The following CNTN3 variants were observed in gnomAD, a reference collection of about 807,000 sequenced individuals.
CNTN3 encodes the protein contactin-3.
CNTN3 carries 60 observed loss-of-function variants against 119.1 expected under a neutral mutation model. The ratio of observed to expected loss-of-function variants is 0.50; its 90% confidence interval spans 0.41 to 0.62. The LOEUF is 0.62. CNTN3 is among the 20% of genes least tolerant of loss of function. CNTN3 has a pLI of 0.00. For missense variants in CNTN3, 1,101 were observed against 1,242.4 expected (o/e 0.89, Z 1.71); for synonymous variants, 450 against 438.7 (o/e 1.03, Z -0.32).
intron 6 of CNTN3, among the ~76,000 whole-genome samples, chr3:74,370,485 T>G (rs1292009723): frequency 6.6e-6 from 1 of 152,146 alleles, no homozygotes; most frequent in African/African-American, 2.4e-5. Context: ...GCAGGGAATT[T>G]ACTTAATGAT....
intron 1 of CNTN3, among the ~76,000 whole-genome samples, chr3:74,528,899 G>A (rs1242991719): frequency 6.6e-6 from 1 of 151,824 alleles, no homozygotes; most frequent in South Asian, 2.1e-4. Flanking sequence ...TAATAGGCAC[G>A]AATGTAGAAG....
rs188596104 is a variant in CNTN3 at position 74,573,421 on chromosome 3, T to C, written c.-81+40970A>G. Reference sequence around the variant, plus strand: ...GAATTAGGAAATGGTTTCTCAGATATGATACCCATATGAGCATGTGTGGAC... The same window carrying C: ...GAATTAGGAAATGGTTTCTCAGATACGATACCCATATGAGCATGTGTGGAC... On this transcript the variant is annotated intron_variant, in intron 1 of 22. Coordinates refer to ENST00000263665, the MANE Select transcript of CNTN3 (RefSeq NM_020872.3). Among the ~76,000 whole-genome samples the C allele has an allele frequency of 9.9e-5, 15 of 152,226 alleles. No homozygotes were observed. The East Asian group carries it at 2.1e-3, about 22-fold the overall frequency.
chr3:74,395,659 TA>T (rs2106838103), intron 5 of CNTN3, among the ~76,000 whole-genome samples: 1 of 152,182 alleles, frequency 6.6e-6, no homozygotes, highest in African/African-American at 2.4e-5. Context: ...TTGCCAGGAG[TA>T]AAATGTGAAA....
At chr3:74,600,177 A>C (rs985965612) in intron 1 of CNTN3, among the ~76,000 whole-genome samples, 3 of 152,056 alleles carry the variant, frequency 2.0e-5, no homozygotes, top group African/African-American at 7.2e-5. Flanking sequence ...AAAGAGGGAG[A>C]GCCTTGGAAA....
chr3:74,370,873 G>A (rs1283195766), intron 6 of CNTN3, among the ~76,000 whole-genome samples: 3 of 152,106 alleles, frequency 2.0e-5, no homozygotes. Context: ...TGCAACCCGA[G>A]CCCCGGGCTC....
At chr3:74,270,868 A>G (rs1159344596) in intron 20 of CNTN3, among the ~76,000 whole-genome samples, 1 of 152,200 alleles carries the variant, frequency 6.6e-6, no homozygotes, top group Non-Finnish European at 1.5e-5. Flanking sequence ...AGAATGCTAA[A>G]TTAGAAAAAA....
chr3:74,506,249 G>A (rs2107092793), intron 2 of CNTN3, among the ~76,000 whole-genome samples: 1 of 152,200 alleles, frequency 6.6e-6, no homozygotes, highest in East Asian at 1.9e-4. Context: ...TATTTCACTG[G>A]ACTGATTAAC....
Position 74,361,907 on chromosome 3 carries a change from G to T in CNTN3, c.1347C>A (p.Ser449Arg), listed in dbSNP as rs150922997. 3 of 1,612,282 alleles carry T rather than the reference G, an allele frequency of 1.9e-6. No individual in the cohort carries two copies. In the Admixed American group the frequency reaches 5.0e-5, roughly 27 times the overall value. The stretch of plus-strand genomic sequence containing the variant: ...CAAAATACCTTTCATGCTCCTGCAC[G>T]CTCACATCCCCCTTCTTCCAGGAAG... ...ALSSWKKGDV[S>R]VQEHERISLL... The change falls in exon 11 of 23, where the codon AGC (serine) becomes AGA (arginine). Residue 449 changes from serine to arginine, a missense_variant. Ser to Arg is a moderately radical substitution (Grantham distance 110). Coordinates refer to ENST00000263665, the MANE Select transcript of CNTN3 (RefSeq NM_020872.3).
intron 5 of CNTN3, among the ~76,000 whole-genome samples, chr3:74,406,416 G>T (rs1705324444): frequency 6.6e-6 from 1 of 151,354 alleles, no homozygotes; most frequent in South Asian, 2.1e-4. Context: ...CCAAAATGAG[G>T]GTTATCTTGA....
At chr3:74,391,692 G>A (rs376541983) in intron 5 of CNTN3, among the ~76,000 whole-genome samples, 93 of 151,180 alleles carry the variant, frequency 6.2e-4, no homozygotes, top group African/African-American at 2.1e-3. Context: ...TCAGCCTCCG[G>A]AGTAGCTGGG....
intron 5 of CNTN3, among the ~76,000 whole-genome samples, chr3:74,391,230 T>C (rs1452629590): frequency 2.0e-5 from 3 of 152,154 alleles, no homozygotes; most frequent in Admixed American, 6.5e-5. Flanking sequence ...AAAGAAGATA[T>C]GGAATATTAT....
intron 11 of CNTN3, among the ~76,000 whole-genome samples, chr3:74,339,892 CAGATAGAT>C (rs55925924): frequency 0.45 from 66,679 of 149,622 alleles, 14,973 homozygotes; most frequent in African/African-American, 0.48. Flanking sequence ...TAATTGGATA[CAGATAGAT>C]AGATAGATAG....
intron 4 of CNTN3, among the ~76,000 whole-genome samples, chr3:74,470,287 T>C (rs1025056640): frequency 2.0e-5 from 3 of 152,156 alleles, no homozygotes; most frequent in Admixed American, 1.3e-4. Context: ...TCTGTGAATA[T>C]ACTAGAAACA....
intron 3 of CNTN3, among the ~76,000 whole-genome samples, chr3:74,496,679 G>GAAA (rs1195644195): frequency 1.3e-5 from 2 of 152,006 alleles, no homozygotes; most frequent in East Asian, 3.9e-4. Flanking sequence ...TTCCCATTTA[G>GAAA]AAAAAGTATT....
At chr3:74,531,694 G>A (rs1703695576) in intron 1 of CNTN3, among the ~76,000 whole-genome samples, 1 of 151,984 alleles carries the variant, frequency 6.6e-6, no homozygotes, top group Non-Finnish European at 1.5e-5. Context: ...TTCTGAAGAA[G>A]ACAAAAGGAA....
chr3:74,386,258 C>G lies in CNTN3; in HGVS notation c.455-14859G>C, dbSNP rs139327348. Among the ~76,000 whole-genome samples the G allele has an allele frequency of 2.2e-4, 33 of 152,290 alleles. No homozygotes were observed. In the East Asian group the frequency reaches 3.5e-3, roughly 16 times the overall value. On this transcript the variant is annotated intron_variant, in intron 5 of 22. Transcript: ENST00000263665. ...GCAGGTGTTTAAGATCTCTTCTAAT[C>G]CTTAAAATCTTAAATCCCCTCTACA...
chr3:74,440,249 C>T (rs1701938740), intron 4 of CNTN3, among the ~76,000 whole-genome samples: 1 of 152,098 alleles, frequency 6.6e-6, no homozygotes, highest in Non-Finnish European at 1.5e-5. Context: ...ATCCTGAGCA[C>T]AGAAAACACT....
chr3:74,480,270 G>A (rs1702739290), intron 4 of CNTN3, among the ~76,000 whole-genome samples: 1 of 152,098 alleles, frequency 6.6e-6, no homozygotes, highest in African/African-American at 2.4e-5. Context: ...TTGAGAAACT[G>A]TCTTGTGATC....
chr3:74,478,285 A>G (rs1702696110), intron 4 of CNTN3, among the ~76,000 whole-genome samples: 1 of 152,042 alleles, frequency 6.6e-6, no homozygotes, highest in African/African-American at 2.4e-5. Context: ...CAATATGACA[A>G]TGGGAAGGTA....
Sources: gnomAD v4.1 joint callset for allele counts (sites outside exome capture counted in the v4.1 genomes callset) on GRCh38, gnomAD v4.1.1 for gene constraint, MANE v1.5 for transcripts, NCBI Gene and HGNC (gene_info 2026-07-23, HGNC 2026-07-21) for gene names.